Variants in TMEM165 observed in about 807,000 individuals in gnomAD.
The protein encoded by TMEM165 is transmembrane protein 165, also known as putative divalent cation/proton antiporter TMEM165.
In TMEM165, 19 loss-of-function variants were observed where a neutral mutation model predicts 30.0. That is an observed-to-expected ratio of 0.63 (90% CI 0.44 to 0.93). The LOEUF (loss-of-function observed/expected upper bound fraction) is 0.93, where lower values mean the gene tolerates loss of function less well. Among genes scored for constraint, TMEM165 ranks in the 40% least tolerant of loss-of-function variants. The probability of loss-of-function intolerance (pLI) is 0.00; values close to 1 mark genes in which losing one functional copy is unlikely to be tolerated. For missense variants in TMEM165, 340 were observed against 417.0 expected, an observed-to-expected ratio of 0.82 and a Z score of 1.61; for synonymous variants, 168 against 162.9, an observed-to-expected ratio of 1.03 and a Z score of -0.24.
At chr4:55,403,156 C>A in intron 1 of TMEM165, 1 of 907,334 alleles carries the variant, frequency 1.1e-6, no homozygotes, top group Non-Finnish European at 1.5e-6. Flanking sequence ...TAAGCATTTT[C>A]TTCTGACTCC....
chr4:55,401,128 T>C (rs1264694466), intron 1 of TMEM165, among the ~76,000 whole-genome samples: 1 of 150,628 alleles, frequency 6.6e-6, no homozygotes, highest in Non-Finnish European at 1.5e-5. Context: ...AACCTAGTTG[T>C]ATCTTATAGG....
rs1302481901 is a variant in TMEM165, at chr4:55,448,714, T to C, written c.409-3525T>C. ...CAGCAAGCCTGGATTTTTAAAAAAA[T>C]TACATTAGCTTAAAAGCAATTTATC... is the stretch of plus-strand genomic sequence containing the variant. On this transcript the variant is annotated intron_variant, in intron 3 of 3. Transcript: ENST00000608091. The C allele has an allele frequency of 3.0e-6, 4 of 1,341,536 alleles. No individual in the cohort carries two copies. The East Asian group carries it at 1.1e-4, about 35-fold the overall frequency. The allele number at this position is 1,341,536 out of a possible 1,614,324, so 83.1% of individuals were successfully genotyped here.
At chr4:55,397,687 T>C (rs542080445) in intron 1 of TMEM165, among the ~76,000 whole-genome samples, 1 of 151,976 alleles carries the variant, frequency 6.6e-6, no homozygotes, top group East Asian at 1.9e-4. Context: ...CTTTTTCCTT[T>C]CCATTCCTTT....
downstream of TMEM165, chr4:55,429,435 A>G (rs557504017): frequency 6.6e-6 from 1 of 152,272 alleles, no homozygotes; most frequent in Admixed American, 6.5e-5. Context: ...GGTTTCCAAT[A>G]TTCCAACACT....
chr4:55,442,275 G>T, intron 3 of TMEM165: 1 of 698,632 alleles, frequency 1.4e-6, no homozygotes, highest in South Asian at 1.9e-5. Context: ...TTTAAACAAT[G>T]AATACATTCA....
chr4:55,442,281 A>C, intron 3 of TMEM165: 1 of 729,162 alleles, frequency 1.4e-6, no homozygotes, highest in Non-Finnish European at 2.3e-6. Context: ...CAATGAATAC[A>C]TTCAGTGTTT....
intron 3 of TMEM165, chr4:55,449,531 TTA>T: frequency 1.3e-6 from 2 of 1,493,880 alleles, no homozygotes; most frequent in Non-Finnish European, 1.9e-6. Flanking sequence ...CATTAGTACT[TTA>T]TAAAATATAG....
At chr4:55,398,451 T>G (rs1720819955) in intron 1 of TMEM165, among the ~76,000 whole-genome samples, 1 of 152,236 alleles carries the variant, frequency 6.6e-6, no homozygotes, top group African/African-American at 2.4e-5. Flanking sequence ...AATCTGGACT[T>G]CTGTGCCTTA....
At chr4:55,420,100 A>AAAAAAC (rs1207521117) in intron 4 of TMEM165, among the ~76,000 whole-genome samples, 1 of 43,216 alleles carries the variant, frequency 2.3e-5, no homozygotes. Context: ...TATCTTAAGA[A>AAAAAAC]AAAAAAATAT....
At chr4:55,405,519 T>G (rs745714443) in intron 1 of TMEM165, among the ~76,000 whole-genome samples, 5 of 152,216 alleles carry the variant, frequency 3.3e-5, no homozygotes, top group Non-Finnish European at 5.9e-5. Flanking sequence ...ACCAAACCCC[T>G]TGTTTTTATT....
Position 55,396,327 on chromosome 4 carries a change from G to A in TMEM165, c.138G>A (p.Pro46=). The change falls in exon 1 of 6, where the codon CCG becomes CCA. Residue 46 remains proline (P), a synonymous_variant. Transcript: ENST00000381334. The part of the protein sequence containing the change: ...DEDLSHRNKE[P]PAPAQQLQPQ... The stretch of plus-strand genomic sequence containing the variant: ...ACCTTAGCCACCGGAACAAAGAACC[G>A]CCGGCGCCGGCCCAGCAGCTGCAGC... 2.0e-6 allele frequency: 3 copies of A among 1,517,996 alleles called. No homozygotes were observed. The highest frequency in any genetic ancestry group is 2.7e-5 in the East Asian group (1 of 37,640). 94.0% of individuals were successfully genotyped at this position (1,517,996 alleles called of 1,614,324 possible). A position where few individuals can be genotyped will look rare whatever the true frequency, so the allele number is the denominator to read the frequency against.
chr4:55,413,032 T>C (rs1721579590), intron 2 of TMEM165, among the ~76,000 whole-genome samples: 1 of 152,118 alleles, frequency 6.6e-6, no homozygotes, highest in South Asian at 2.1e-4. Context: ...CAGGCTGGAG[T>C]GCAGTGGCAT....
At chr4:55,428,461 T>C (rs3749473), downstream of TMEM165, 70,332 of 152,066 alleles carry the variant, frequency 0.46, 17,793 homozygotes, top group East Asian at 0.88. Flanking sequence ...ATCCTTCATG[T>C]GTGTATGCAA....
intron 4 of TMEM165, among the ~76,000 whole-genome samples, chr4:55,420,463 T>C (rs1721929425): frequency 1.3e-5 from 2 of 151,910 alleles, no homozygotes; most frequent in Non-Finnish European, 2.9e-5. Context: ...ATTACTGCAC[T>C]TCCCTGCATT....
At position 55,425,503 on chromosome 4, in the gene TMEM165, C is replaced by A; in HGVS notation, c.*51C>A. On this transcript the variant is annotated 3_prime_UTR_variant, in exon 6 of 6. Transcript: ENST00000381334. Reference sequence around the variant, plus strand: ...GTTTAAAATAGGTAGTATTATCTTTCTGTACATAGTGTACATTACAACTAA... The same window carrying A: ...GTTTAAAATAGGTAGTATTATCTTTATGTACATAGTGTACATTACAACTAA... 3 of 1,382,696 alleles carry A rather than the reference C, an allele frequency of 2.2e-6. No homozygotes were observed. The highest frequency in any genetic ancestry group is 2.1e-6 in the Non-Finnish European group (2 of 973,650). 85.7% of individuals were successfully genotyped at this position (1,382,696 alleles called of 1,614,324 possible). A position where few individuals can be genotyped will look rare whatever the true frequency, so the allele number is the denominator to read the frequency against.
chr4:55,438,201 C>A, intron 3 of TMEM165: 1 of 1,514,648 alleles, frequency 6.6e-7, no homozygotes, highest in East Asian at 2.3e-5. Context: ...TCACATCACT[C>A]ACAAATCTGT....
intron 3 of TMEM165, among the ~76,000 whole-genome samples, chr4:55,448,601 C>CGCGCGTGTGTGTGTGTGTGTGTGT (rs764071880): frequency 2.6e-5 from 3 of 116,980 alleles, no homozygotes; most frequent in Non-Finnish European, 5.5e-5. Flanking sequence ...CGCACGCGCG[C>CGCGCGTGTGTGTGTGTGTGTGTGT]GTGTGTGTGT....
chr4:55,436,185 GATTAA>G (rs1277036336), intron 3 of TMEM165, among the ~76,000 whole-genome samples: 1 of 152,066 alleles, frequency 6.6e-6, no homozygotes, highest in Non-Finnish European at 1.5e-5. Flanking sequence ...TCTTAATAAA[GATTAA>G]ATATTAATAT....
chr4:55,406,748 C>T (rs947399754), intron 1 of TMEM165, among the ~76,000 whole-genome samples: 1 of 152,006 alleles, frequency 6.6e-6, no homozygotes, highest in Non-Finnish European at 1.5e-5. Context: ...CAACTTGTAC[C>T]TCCTGGGCTC....
Sources: gnomAD v4.1 joint callset for allele counts (sites outside exome capture counted in the v4.1 genomes callset) on GRCh38, gnomAD v4.1.1 for gene constraint, MANE v1.5 for transcripts, NCBI Gene and HGNC (gene_info 2026-07-23, HGNC 2026-07-21) for gene names.